PDSS2: variants seen among roughly 807,000 people sequenced by gnomAD.
PDSS2 encodes all trans-polyprenyl-diphosphate synthase PDSS2.
In PDSS2, 31 loss-of-function variants were observed where a neutral mutation model predicts 44.5. The ratio of observed to expected loss-of-function variants is 0.70; its 90% CI spans 0.52 to 0.94. The LOEUF (loss-of-function observed/expected upper bound fraction) is 0.94, where lower values mean the gene tolerates loss of function less well. Among genes scored for constraint, PDSS2 ranks in the 40% least tolerant of loss-of-function variants. PDSS2 has a pLI of 0.00. For synonymous variants in PDSS2, 157 were observed against 180.3 expected, an observed-to-expected ratio of 0.87 and a Z score of 1.03; for missense variants, 452 against 482.2, an observed-to-expected ratio of 0.94 and a Z score of 0.59.
intron 4 of PDSS2, among the ~76,000 whole-genome samples, chr6:107,214,108 C>CTT (rs111768125): frequency 1.1e-3 from 164 of 144,682 alleles, no homozygotes; most frequent in African/African-American, 3.4e-3. Context: ...CTATTTTACA[C>CTT]TTTTTTTTTT....
At chr6:107,291,999 G>A (rs1776365559) in intron 2 of PDSS2, among the ~76,000 whole-genome samples, 1 of 152,150 alleles carries the variant, frequency 6.6e-6, no homozygotes, top group African/African-American at 2.4e-5. Flanking sequence ...AGCAATTGCT[G>A]AGGGTACTGA....
intron 7 of PDSS2, among the ~76,000 whole-genome samples, chr6:107,155,500 C>T (rs1384347255): frequency 1.3e-5 from 2 of 150,884 alleles, no homozygotes; most frequent in African/African-American, 2.4e-5. Flanking sequence ...TAGTTAATAA[C>T]TTTTTTTTTA....
intron 7 of PDSS2, among the ~76,000 whole-genome samples, chr6:107,187,693 C>T (rs1772220178): frequency 6.6e-6 from 1 of 151,576 alleles, no homozygotes; most frequent in Admixed American, 6.6e-5. Context: ...CTTAAAATGA[C>T]TAATTTGAGT....
At chr6:107,265,976 CT>C (rs1775399557) in intron 3 of PDSS2, among the ~76,000 whole-genome samples, 1 of 151,932 alleles carries the variant, frequency 6.6e-6, no homozygotes, top group African/African-American at 2.4e-5. Flanking sequence ...AAAAAACTTA[CT>C]ACACTACTAC....
At chr6:107,165,809 C>G (rs1554247410) in intron 7 of PDSS2, among the ~76,000 whole-genome samples, 1 of 152,060 alleles carries the variant, frequency 6.6e-6, no homozygotes, top group Non-Finnish European at 1.5e-5. Flanking sequence ...ATGGAATGTT[C>G]TTCCATTTGT....
At chr6:107,253,712 G>A (rs1774904589) in intron 3 of PDSS2, among the ~76,000 whole-genome samples, 2 of 152,164 alleles carry the variant, frequency 1.3e-5, no homozygotes, top group South Asian at 4.2e-4. Flanking sequence ...TACAATAAAA[G>A]AGTAATAAAA....
At chr6:107,181,296 A>G (rs1443606675) in intron 7 of PDSS2, among the ~76,000 whole-genome samples, 3 of 151,940 alleles carry the variant, frequency 2.0e-5, no homozygotes, top group Non-Finnish European at 4.4e-5. Context: ...GCATTTTGGG[A>G]GGCTGAGGCG....
rs747612959 is a variant in PDSS2 at position 107,201,390 on chromosome 6, C to CAAAAAAAAA, written c.1009-7545_1009-7537dup. 3.3e-3 allele frequency among the ~76,000 whole-genome samples: 170 copies of CAAAAAAAAA among 52,154 alleles called. 4 individuals are homozygous for CAAAAAAAAA. The highest frequency in any genetic ancestry group is 7.9e-3 in the African/African-American group (81 of 10,266). 34.2% of individuals were successfully genotyped at this position (52,154 alleles called of 152,430 possible). A position where few individuals can be genotyped will look rare whatever the true frequency, so the allele number is the denominator to read the frequency against. On this transcript the variant is annotated intron_variant, in intron 6 of 7. Transcript: ENST00000369037. ...TGTAAAACAATATTCCATACAAAAGCAAAAAAAAAAAAAAAAAAAAAAAAG... is the reference window on the plus strand; with the variant it reads ...TGTAAAACAATATTCCATACAAAAGCAAAAAAAAAAAAAAAAAAAAAAAAAAAAAAAAAG...
At chr6:107,250,558 G>T (rs778926472) in intron 3 of PDSS2, among the ~76,000 whole-genome samples, 27 of 151,930 alleles carry the variant, frequency 1.8e-4, no homozygotes, top group South Asian at 2.1e-4. Context: ...GAGGGTGTTG[G>T]GGGGGGAAGC....
intron 6 of PDSS2, among the ~76,000 whole-genome samples, chr6:107,203,684 A>G (rs897712535): frequency 1.3e-5 from 2 of 152,188 alleles, no homozygotes; most frequent in African/African-American, 4.8e-5. Context: ...AATCATTTTA[A>G]TCATTTAAAA....
At chr6:107,374,475 T>C (rs1779223009) in intron 1 of PDSS2, among the ~76,000 whole-genome samples, 1 of 152,212 alleles carries the variant, frequency 6.6e-6, no homozygotes, top group South Asian at 2.1e-4. Context: ...TGCCAGGCAC[T>C]GTGCTAGACC....
chr6:107,210,708 A>G, intron 5 of PDSS2, 138 bp from the exon 6 acceptor site: 1 of 652,474 alleles, frequency 1.5e-6, no homozygotes. Context: ...TTTAATAAAC[A>G]AAAGAATATT....
chr6:107,363,817 G>A (rs71574244), intron 1 of PDSS2, among the ~76,000 whole-genome samples: 7,828 of 152,204 alleles, frequency 0.051, 365 homozygotes, highest in South Asian at 0.15. Context: ...GGTTCTCCAC[G>A]TCCACATCAG....
intron 4 of PDSS2, among the ~76,000 whole-genome samples, chr6:107,215,615 T>C (rs1773385066): frequency 6.6e-6 from 1 of 152,136 alleles, no homozygotes; most frequent in African/African-American, 2.4e-5. Flanking sequence ...GTTTAACTCT[T>C]ACTGTTTGAA....
chr6:107,206,134 C>T (rs891858158), intron 6 of PDSS2, among the ~76,000 whole-genome samples: 2 of 152,166 alleles, frequency 1.3e-5, no homozygotes, highest in Admixed American at 1.3e-4. Flanking sequence ...TGCACTGGTG[C>T]GATCTTGGCT....
intron 4 of PDSS2, among the ~76,000 whole-genome samples, chr6:107,236,729 C>G (rs1341276387): frequency 1.3e-5 from 2 of 152,164 alleles, no homozygotes; most frequent in Admixed American, 1.3e-4. Context: ...CTATAGACAT[C>G]TTCCCAATCT....
intron 7 of PDSS2, among the ~76,000 whole-genome samples, chr6:107,165,258 G>A (rs1215495064): frequency 4.6e-5 from 7 of 152,104 alleles, no homozygotes; most frequent in Non-Finnish European, 8.8e-5. Flanking sequence ...GTCCTGAATG[G>A]CATTGCCTAG....
intron 2 of PDSS2, among the ~76,000 whole-genome samples, chr6:107,311,166 T>C (rs1273196034): frequency 1.3e-5 from 2 of 151,348 alleles, no homozygotes; most frequent in Admixed American, 6.6e-5. Context: ...TCCACCTGCC[T>C]TGGGCTCCCA....
chr6:107,313,102 T>C (rs1218345562), intron 2 of PDSS2, among the ~76,000 whole-genome samples: 2 of 152,316 alleles, frequency 1.3e-5, no homozygotes, highest in East Asian at 1.9e-4. Flanking sequence ...AGGAGCTGCC[T>C]AATTTTTTAA....
Sources: allele counts gnomAD v4.1 joint callset (sites outside exome capture counted in the v4.1 genomes callset), GRCh38; gene constraint gnomAD v4.1.1; transcripts MANE v1.5; gene names NCBI Gene and HGNC (gene_info 2026-07-23, HGNC 2026-07-21).